MCF2L: variants seen among roughly 807,000 people sequenced by gnomAD.
MCF2L encodes the protein MCF.2 cell line derived transforming sequence like.
In MCF2L, 97 loss-of-function variants were observed where a neutral mutation model predicts 153.4. The ratio of observed to expected loss-of-function variants is 0.63; its 90% CI spans 0.54 to 0.75. MCF2L has a LOEUF of 0.75. MCF2L is among the 30% of genes least tolerant of loss of function. The probability of loss-of-function intolerance (pLI) is 0.00; values close to 1 mark genes in which losing one functional copy is unlikely to be tolerated. For missense variants in MCF2L, 1,347 were observed against 1,495.2 expected (o/e 0.90, Z 1.64); for synonymous variants, 659 against 632.2 (o/e 1.04, Z -0.64).
intron 1 of MCF2L, among the ~76,000 whole-genome samples, chr13:112,978,187 G>A (rs2082278274): frequency 6.6e-6 from 1 of 152,234 alleles, no homozygotes; most frequent in African/African-American, 2.4e-5. Flanking sequence ...CCTGTCCTGG[G>A]CTTGCACACA....
intron 1 of MCF2L, among the ~76,000 whole-genome samples, chr13:112,901,108 G>A (rs576454732): frequency 3.3e-5 from 5 of 152,284 alleles, no homozygotes; most frequent in Admixed American, 2.6e-4. Flanking sequence ...TGTGAACAGT[G>A]GCGTGGAAAG....
intron 2 of MCF2L, among the ~76,000 whole-genome samples, chr13:112,945,882 G>T (rs1416054628): frequency 1.3e-5 from 2 of 152,208 alleles, no homozygotes; most frequent in Admixed American, 6.5e-5. Context: ...GGAGAGATGG[G>T]TTTGTGCCGT....
rs553333808 is a variant in MCF2L at position 112,929,899 on chromosome 13, G to A, written c.169+27528G>A. On this transcript the variant is annotated intron_variant, in intron 2 of 29. Coordinates refer to the MCF2L transcript ENST00000375608. ...CTTTCCCAGATGACCCCTGTTTTGT[G>A]ACGTTCATTCTTCCCATTTGTCATT... 1.1e-4 allele frequency among the ~76,000 whole-genome samples: 17 copies of A among 152,318 alleles called. No individual in the cohort carries two copies. The South Asian group carries it at 2.9e-3, about 26-fold the overall frequency.
chr13:112,964,100 G>A (rs1449403805), intron 2 of MCF2L, among the ~76,000 whole-genome samples: 14 of 86,812 alleles, frequency 1.6e-4, no homozygotes, highest in Non-Finnish European at 3.7e-4. Context: ...GTGCAGGGTT[G>A]CAGGGGGCGG....
At chr13:112,996,536 C>T (rs1452263594) in intron 1 of MCF2L, among the ~76,000 whole-genome samples, 1 of 152,182 alleles carries the variant, frequency 6.6e-6, no homozygotes, top group Non-Finnish European at 1.5e-5. Context: ...CCATGTGGAA[C>T]GTCTGTTGGG....
intron 2 of MCF2L, among the ~76,000 whole-genome samples, chr13:113,021,393 T>G (rs2141255250): frequency 6.6e-6 from 1 of 152,334 alleles, no homozygotes; most frequent in East Asian, 1.9e-4. Context: ...TGCATCTGCC[T>G]TCTGCCCCTA....
intron 1 of MCF2L, among the ~76,000 whole-genome samples, chr13:113,006,661 C>G (rs1013972578): frequency 6.6e-6 from 1 of 152,208 alleles, no homozygotes; most frequent in Non-Finnish European, 1.5e-5. Context: ...GAAAGGGAGA[C>G]GTGTGCATCT....
Position 113,097,454 on chromosome 13 carries a change from G to A in MCF2L, c.*595G>A, listed in dbSNP as rs575345052. The A allele has an allele frequency of 6.6e-6, 1 of 152,280 alleles. No homozygotes were observed. The highest frequency in any genetic ancestry group is 1.9e-4 in the East Asian group (1 of 5,172). The allele number at this position is 152,280 out of a possible 1,614,324, so 9.4% of individuals were successfully genotyped here. ...AAGCACGTTGTTTATACCACTAAGT[G>A]ACTTTGGGGGGGCTCTCCCATGGAA... On this transcript the variant is annotated 3_prime_UTR_variant, in exon 30 of 30. Coordinates refer to ENST00000535094, the MANE Select transcript of MCF2L (RefSeq NM_001112732.3).
At chr13:112,926,467 C>G (rs2081407035) in intron 2 of MCF2L, among the ~76,000 whole-genome samples, 1 of 152,132 alleles carries the variant, frequency 6.6e-6, no homozygotes, top group Non-Finnish European at 1.5e-5. Flanking sequence ...ACGGCCTGGT[C>G]TATATACACA....
chr13:113,092,677 C>A (rs916482004), intron 26 of MCF2L, among the ~76,000 whole-genome samples: 3 of 152,258 alleles, frequency 2.0e-5, no homozygotes, highest in Admixed American at 6.5e-5. Context: ...CCTGCCTTCA[C>A]ACAGAATCCC....
intron 1 of MCF2L, among the ~76,000 whole-genome samples, chr13:113,005,637 T>C (rs1485021111): frequency 6.6e-6 from 1 of 152,010 alleles, no homozygotes; most frequent in Non-Finnish European, 1.5e-5. Context: ...TCATGGTGGC[T>C]GTGACCTGTT....
chr13:112,923,406 G>A (rs2081373179), intron 2 of MCF2L, among the ~76,000 whole-genome samples: 2 of 151,704 alleles, frequency 1.3e-5, no homozygotes, highest in African/African-American at 2.4e-5. Context: ...TGGGACTACA[G>A]GCGCCCGCCA....
At chr13:112,964,743 A>G (rs2081872374), upstream of MCF2L, 1 of 152,232 alleles carries the variant, frequency 6.6e-6, no homozygotes, top group Admixed American at 6.5e-5. Context: ...ATCATGAAAA[A>G]ACGTTTAAGT....
At chr13:112,924,223 C>A (rs1188672226) in intron 2 of MCF2L, among the ~76,000 whole-genome samples, 1 of 152,032 alleles carries the variant, frequency 6.6e-6, no homozygotes, top group East Asian at 1.9e-4. Context: ...TCCCCACAAC[C>A]CCCCCACGAT....
Position 112,932,118 on chromosome 13 carries a change from C to T in MCF2L, c.169+29747C>T, listed in dbSNP as rs982325491. Among the ~76,000 whole-genome samples, 23 of 151,466 alleles carry T rather than the reference C, an allele frequency of 1.5e-4. No homozygotes were observed. Among genetic ancestry groups the T allele is most frequent in the Non-Finnish European group, 2.9e-4 (20 of 68,028 alleles). On this transcript the variant is annotated intron_variant, in intron 2 of 29. Coordinates refer to the MCF2L transcript ENST00000375608. The surrounding 1 kb of genome is among the most constrained non-coding windows in gnomAD (Gnocchi z 4.6). Reference sequence around the variant, plus strand: ...CTATGTGGTTCCGAAGAGTTCAAGACGAAAAGAGGGAGAAAGAGTAACTTC... The same window carrying T: ...CTATGTGGTTCCGAAGAGTTCAAGATGAAAAGAGGGAGAAAGAGTAACTTC...
intron 20 of MCF2L, 104 bp downstream of exon 20, chr13:113,085,282 C>A: frequency 2.2e-6 from 2 of 890,084 alleles, no homozygotes; most frequent in Non-Finnish European, 3.6e-6. Flanking sequence ...CCTCCCAGGC[C>A]AAGGGCACCT....
intron 2 of MCF2L, 66 bp from the exon 3 acceptor site, chr13:113,024,578 G>T (rs149634043): frequency 5.1e-6 from 5 of 988,846 alleles, no homozygotes; most frequent in Admixed American, 3.6e-5. Flanking sequence ...AAAACGGGCC[G>T]ACATCTGTGG....
intron 2 of MCF2L, among the ~76,000 whole-genome samples, chr13:113,019,130 C>T (rs1466039062): frequency 6.6e-6 from 1 of 152,220 alleles, no homozygotes; most frequent in African/African-American, 2.4e-5. Flanking sequence ...CCCCTTCTCC[C>T]ACCCCATTTC....
chr13:113,057,256 GTGTT>G (rs1296200718), intron 4 of MCF2L, among the ~76,000 whole-genome samples: 1 of 149,812 alleles, frequency 6.7e-6, no homozygotes, highest in Non-Finnish European at 1.5e-5. Context: ...TAGGTGCTGT[GTGTT>G]TGGGTGCTGA....
Sources: allele counts gnomAD v4.1 joint callset (sites outside exome capture counted in the v4.1 genomes callset), GRCh38; gene constraint gnomAD v4.1.1; non-coding constraint Gnocchi (gnomAD v3.1); transcripts MANE v1.5; gene names NCBI Gene and HGNC (gene_info 2026-07-23, HGNC 2026-07-21).